LONRF1: variants seen among roughly 807,000 people sequenced by gnomAD.
The protein encoded by LONRF1 is LON peptidase N-terminal domain and RING finger protein 1.
LONRF1 carries 37 observed loss-of-function variants against 85.8 expected under a neutral mutation model. The ratio of observed to expected loss-of-function variants is 0.43; its 90% confidence interval spans 0.33 to 0.57. The LOEUF is 0.57. Ranked by LOEUF, LONRF1 falls within the 20% of genes least tolerant of loss-of-function variation. The pLI, the probability that LONRF1 is intolerant of heterozygous loss-of-function variation, is 0.04. For missense variants in LONRF1, 1,036 were observed against 978.0 expected (o/e 1.06, Z -0.79); for synonymous variants, 517 against 390.1 (o/e 1.33, Z -3.83).
At chr8:12,744,194 T>G (rs1021298574) in intron 1 of LONRF1, among the ~76,000 whole-genome samples, 1 of 152,120 alleles carries the variant, frequency 6.6e-6, no homozygotes, top group Admixed American at 6.6e-5. Flanking sequence ...TAAATAAAAT[T>G]TAATAAAATT....
chr8:12,748,914 G>C (rs1173626868), intron 1 of LONRF1, among the ~76,000 whole-genome samples: 2 of 151,596 alleles, frequency 1.3e-5, no homozygotes, highest in Admixed American at 6.6e-5. Context: ...CATTGATTAA[G>C]AATGTTCAGG....
chr8:12,743,473 T>C (rs2117309116), intron 1 of LONRF1, among the ~76,000 whole-genome samples, 191 bp from the exon 2 acceptor site: 1 of 152,346 alleles, frequency 6.6e-6, no homozygotes, highest in East Asian at 1.9e-4. Flanking sequence ...AGAAGTTGTA[T>C]CAAATCATTG....
At chr8:12,743,423 C>T (rs1193955545) in intron 1 of LONRF1, 141 bp from the exon 2 acceptor site, 6 of 594,400 alleles carry the variant, frequency 1.0e-5, no homozygotes, top group Non-Finnish European at 1.8e-5. Flanking sequence ...AAGCCAAAGG[C>T]AGTATAGGCA....
chr8:12,754,433 G>A lies in LONRF1; in HGVS notation c.721+267C>T, dbSNP rs1234566248. On this transcript the variant is annotated intron_variant, in intron 1 of 11. Transcript: ENST00000398246. ...GCCGGGAGCGCGCGCCCGACAGCCA[G>A]GCCGCGGCCGAGGGAACCCCGCGCC... is the stretch of plus-strand genomic sequence containing the variant. 3.8e-5 allele frequency: 12 copies of A among 317,050 alleles called. No individual in the cohort carries two copies. In the South Asian group the frequency reaches 4.5e-4, roughly 12 times the overall value. 19.6% of individuals were successfully genotyped at this position (317,050 alleles called of 1,614,324 possible).
At chr8:12,751,405 C>G (rs1190304412) in intron 1 of LONRF1, among the ~76,000 whole-genome samples, 3 of 142,584 alleles carry the variant, frequency 2.1e-5, no homozygotes, top group Non-Finnish European at 4.5e-5. Context: ...TTTCCGGGTT[C>G]AAGCAATTCT....
At chr8:12,750,062 T>C (rs1467987768) in intron 1 of LONRF1, among the ~76,000 whole-genome samples, 1 of 152,234 alleles carries the variant, frequency 6.6e-6, no homozygotes, top group African/African-American at 2.4e-5. Flanking sequence ...AATATGCACA[T>C]ATTTGGGTTC....
At chr8:12,748,256 G>A (rs909549011) in intron 1 of LONRF1, among the ~76,000 whole-genome samples, 1 of 152,150 alleles carries the variant, frequency 6.6e-6, no homozygotes, top group Non-Finnish European at 1.5e-5. Flanking sequence ...CCAGGCTGGA[G>A]TGCAGTGGCA....
chr8:12,740,965 T>G lies in LONRF1; in HGVS notation c.872A>C (p.Asp291Ala). The G allele has an allele frequency of 6.2e-7, 1 of 1,613,616 alleles. No homozygotes were observed. Residue 291 changes from aspartate (D) to alanine (A), a missense_variant, in exon 3 of 12, where the codon GAT becomes GCT. This residue lies in a region of LONRF1 where 742 missense variants were observed against 614.4 expected (regional missense o/e 1.21). Coordinates refer to ENST00000398246, the MANE Select transcript of LONRF1 (RefSeq NM_152271.5). Reference protein sequence around the residue: ...VYFRKGKVLCDAGFLGDALQL... With the variant: ...VYFRKGKVLCAAGFLGDALQL... ...TAAGGCATCACCTAAAAAACCAGCA[T>G]CGCAGAGTACTTTTCCTTTCCTGAA... is the stretch of plus-strand genomic sequence containing the variant.
intron 1 of LONRF1, among the ~76,000 whole-genome samples, chr8:12,744,184 T>C (rs1799052442): frequency 6.6e-6 from 1 of 152,206 alleles, no homozygotes; most frequent in Non-Finnish European, 1.5e-5. Flanking sequence ...TTAATGCCTC[T>C]AAATAAAATT....
At chr8:12,732,883 C>T (rs762519044) in intron 7 of LONRF1, among the ~76,000 whole-genome samples, 1 of 152,148 alleles carries the variant, frequency 6.6e-6, no homozygotes, top group Non-Finnish European at 1.5e-5. Context: ...AGGAAAACCT[C>T]CTGGGAAACT....
intron 1 of LONRF1, among the ~76,000 whole-genome samples, chr8:12,745,503 C>T (rs1445852071): frequency 2.0e-5 from 3 of 152,098 alleles, no homozygotes; most frequent in African/African-American, 4.8e-5. Flanking sequence ...AGAAAGACAA[C>T]AAAATGGCTA....
intron 3 of LONRF1, among the ~76,000 whole-genome samples, chr8:12,740,499 A>G (rs549458545): frequency 3.6e-4 from 55 of 152,326 alleles, no homozygotes; most frequent in Non-Finnish European, 6.9e-4. Flanking sequence ...GAGCAATACT[A>G]TTGGCAATCC....
chr8:12,725,518 C>T (rs751575374), intron 11 of LONRF1, among the ~76,000 whole-genome samples: 4 of 152,252 alleles, frequency 2.6e-5, no homozygotes, highest in South Asian at 4.1e-4. Context: ...TCAGCTGACA[C>T]GTATTTCCAG....
intron 3 of LONRF1, among the ~76,000 whole-genome samples, chr8:12,738,956 A>C (rs984402383): frequency 2.0e-5 from 3 of 152,188 alleles, no homozygotes; most frequent in African/African-American, 4.8e-5. Flanking sequence ...ATCACAAATC[A>C]TTTATGGAAA....
chr8:12,728,115 A>G (rs1012550628), intron 10 of LONRF1, among the ~76,000 whole-genome samples: 2 of 152,226 alleles, frequency 1.3e-5, no homozygotes, highest in African/African-American at 4.8e-5. Flanking sequence ...AAACAGATCA[A>G]TGAATAAGAG....
chr8:12,751,280 ATATTTT>A lies in LONRF1; in HGVS notation c.721+3414_721+3419del, dbSNP rs563418882. On this transcript the variant is annotated intron_variant, in intron 1 of 11. Coordinates refer to ENST00000398246, the MANE Select transcript of LONRF1 (RefSeq NM_152271.5). ...AAATACTGGGTAACAGTCAAGGATT[ATATTTT>A]TATTTTTATGTTTTTTTTTTTTTTT... Among the ~76,000 whole-genome samples the A allele has an allele frequency of 9.0e-3, 839 of 93,052 alleles. 6 individuals carry two copies. The highest frequency in any genetic ancestry group is 0.03 in the African/African-American group (814 of 27,468). The allele number at this position is 93,052 out of a possible 152,430, so 61.0% of individuals were successfully genotyped here.
intron 1 of LONRF1, among the ~76,000 whole-genome samples, chr8:12,751,388 C>A (rs1376954293): frequency 7.4e-6 from 1 of 135,842 alleles, no homozygotes. Context: ...CTAACTGCAA[C>A]CTCCACTTTC....
At chr8:12,748,412 G>T (rs972962745) in intron 1 of LONRF1, among the ~76,000 whole-genome samples, 13 of 152,158 alleles carry the variant, frequency 8.5e-5, no homozygotes, top group African/African-American at 2.9e-4. Flanking sequence ...GCCCAGGCTG[G>T]TCTCAAACTC....
Position 12,754,893 on chromosome 8 carries a change from G to A in LONRF1, c.528C>T (p.Ala176=). The A allele has an allele frequency of 2.0e-6, 3 of 1,493,554 alleles. No homozygotes were observed. The highest frequency in any genetic ancestry group is 1.3e-5 in the South Asian group (1 of 79,448). 92.5% of individuals were successfully genotyped at this position (1,493,554 alleles called of 1,614,324 possible). The change falls in exon 1 of 12, where the codon GCC becomes GCT. Residue 176 remains alanine (A), a synonymous_variant. Transcript: ENST00000398246. ...CGGCGGCCAGAGGCGGCGGCCGCGG[G>A]GCGGTCCCTTCAGCATCAGTGGCAC... The part of the protein sequence containing the change: ...TASATDAEGT[A]PRPPPLAAAI...
Sources: gnomAD v4.1 joint callset for allele counts (sites outside exome capture counted in the v4.1 genomes callset) on GRCh38, gnomAD v4.1.1 for gene constraint, gnomAD v4.1.1 regional missense constraint, MANE v1.5 for transcripts, NCBI Gene and HGNC (gene_info 2026-07-23, HGNC 2026-07-21) for gene names.